RUNX1: variants seen among roughly 807,000 people sequenced by gnomAD.
RUNX1 encodes runt-related transcription factor 1.
Under a neutral mutation model 42.8 loss-of-function variants are expected in RUNX1, and 19 were observed. The ratio of observed to expected loss-of-function variants is 0.44; its 90% CI spans 0.31 to 0.65. The LOEUF is 0.65. RUNX1 is among the 30% of genes least tolerant of loss of function. The pLI is 0.07. For synonymous variants in RUNX1, 271 were observed against 289.4 expected (o/e 0.94, Z 0.64); for missense variants, 528 against 672.0 (o/e 0.79, Z 2.37).
rs139622004 is a variant in RUNX1, at chr21:34,851,308, G to A, written c.613+8166C>T. On this transcript the variant is annotated intron_variant, in intron 6 of 8. Transcript: ENST00000675419. ...TGCCCAGGGAAGGCCTGGAGGCCTC[G>A]GCCTCTAAGGGGCCAGTTTACGGGA... Among the ~76,000 whole-genome samples the A allele has an allele frequency of 4.2e-3, 636 of 152,322 alleles. 5 individuals are homozygous for A. Among genetic ancestry groups the A allele is most frequent in the Middle Eastern group, 0.01 (3 of 294 alleles).
chr21:34,962,887 ATGTATTCT>A (rs1286622521), intron 2 of RUNX1, among the ~76,000 whole-genome samples: 1 of 152,214 alleles, frequency 6.6e-6, no homozygotes, highest in Non-Finnish European at 1.5e-5. Context: ...AAATCTGAAT[ATGTATTCT>A]TGAACTTTGC....
intron 3 of RUNX1, among the ~76,000 whole-genome samples, chr21:34,890,660 G>A (rs1394871333): frequency 6.6e-6 from 1 of 152,206 alleles, no homozygotes; most frequent in African/African-American, 2.4e-5. Flanking sequence ...CTGGGGTCTC[G>A]GAAAGAAAAC....
At position 34,819,494 on chromosome 21, in the gene RUNX1, C is replaced by T. The variant is rs569053683; in HGVS notation, c.805+14916G>A. Among the ~76,000 whole-genome samples, 33 of 152,302 alleles carry T rather than the reference C, an allele frequency of 2.2e-4. 1 individual carries two copies. In the South Asian group the frequency reaches 4.8e-3, roughly 22 times the overall value. ...GAAGGGAGGGGGCCCAGAAGCCACC[C>T]GTCAATGCGGGAGCCCCCACTCTGG... On this transcript the variant is annotated intron_variant, in intron 7 of 8. Transcript: ENST00000675419.
intron 3 of RUNX1, among the ~76,000 whole-genome samples, chr21:34,891,304 A>C (rs2146447773): frequency 6.6e-6 from 1 of 152,364 alleles, no homozygotes; most frequent in African/African-American, 2.4e-5. Flanking sequence ...AGCTGATAGC[A>C]ATCACAGCTT....
chr21:34,857,600 A>G (rs2057513318), intron 6 of RUNX1, among the ~76,000 whole-genome samples: 1 of 152,188 alleles, frequency 6.6e-6, no homozygotes, highest in African/African-American at 2.4e-5. Flanking sequence ...TTCTAAATAC[A>G]GTGGTTCTAC....
chr21:34,817,768 C>T (rs2056847949), intron 7 of RUNX1, among the ~76,000 whole-genome samples: 1 of 152,124 alleles, frequency 6.6e-6, no homozygotes, highest in Non-Finnish European at 1.5e-5. Flanking sequence ...GTCGTGTGGT[C>T]CTGCAATAGA....
chr21:34,846,560 T>A (rs1159877534), intron 6 of RUNX1, among the ~76,000 whole-genome samples: 1 of 152,120 alleles, frequency 6.6e-6, no homozygotes, highest in Non-Finnish European at 1.5e-5. Flanking sequence ...AGATGAGGAA[T>A]CTGAGGGTCT....
intron 6 of RUNX1, among the ~76,000 whole-genome samples, chr21:34,851,935 G>T (rs1224183770): frequency 3.9e-5 from 6 of 152,212 alleles, no homozygotes; most frequent in Admixed American, 3.9e-4. Flanking sequence ...GGGAGGCCAA[G>T]GCGGGTGGAT....
chr21:35,016,652 T>TG (rs2059161081), intron 2 of RUNX1, among the ~76,000 whole-genome samples: 1 of 152,146 alleles, frequency 6.6e-6, no homozygotes, highest in Admixed American at 6.5e-5. Context: ...TCCTGACCCA[T>TG]GGTCCAGGGG....
intron 2 of RUNX1, among the ~76,000 whole-genome samples, chr21:34,915,342 A>G (rs756743724): frequency 6.6e-6 from 1 of 152,196 alleles, no homozygotes; most frequent in Non-Finnish European, 1.5e-5. Context: ...ATGAGGAAGA[A>G]GAGGTGTGTA....
intron 2 of RUNX1, among the ~76,000 whole-genome samples, chr21:34,993,513 A>T (rs2058962629): frequency 6.6e-6 from 1 of 150,498 alleles, no homozygotes; most frequent in Non-Finnish European, 1.5e-5. Context: ...ACACACACAC[A>T]CACACACACA....
chr21:34,943,074 A>T (rs1474674233), intron 2 of RUNX1, among the ~76,000 whole-genome samples: 2 of 152,098 alleles, frequency 1.3e-5, no homozygotes, highest in Non-Finnish European at 2.9e-5. Flanking sequence ...CAGTTGGGGG[A>T]TATGGAAAGC....
chr21:34,962,687 G>T (rs551667231), intron 2 of RUNX1, among the ~76,000 whole-genome samples: 2 of 152,162 alleles, frequency 1.3e-5, no homozygotes, highest in East Asian at 1.9e-4. Flanking sequence ...TATGCACCAC[G>T]CAAGTTTCCA....
At chr21:34,949,247 G>C (rs929018139) in intron 2 of RUNX1, among the ~76,000 whole-genome samples, 2 of 152,308 alleles carry the variant, frequency 1.3e-5, no homozygotes, top group African/African-American at 2.4e-5. Flanking sequence ...TAAACAACCA[G>C]TATCAGTAGA....
chr21:34,924,222 A>C (rs908138755), intron 2 of RUNX1, among the ~76,000 whole-genome samples: 14 of 152,044 alleles, frequency 9.2e-5, no homozygotes, highest in Admixed American at 6.5e-5. Context: ...CATTTCCTTC[A>C]ATTCATTTCA....
chr21:34,924,491 T>C (rs1416573043), intron 2 of RUNX1, among the ~76,000 whole-genome samples: 2 of 152,108 alleles, frequency 1.3e-5, no homozygotes, highest in African/African-American at 4.8e-5. Context: ...CTGTGGTGTG[T>C]TGGTGATGAG....
intron 2 of RUNX1, among the ~76,000 whole-genome samples, chr21:34,970,601 C>T (rs1048055655): frequency 5.9e-5 from 9 of 152,216 alleles, no homozygotes; most frequent in Non-Finnish European, 1.2e-4. Flanking sequence ...TTTTACCTCA[C>T]TGGGCTCCTA....
intron 2 of RUNX1, among the ~76,000 whole-genome samples, chr21:35,045,649 C>T (rs975158618): frequency 6.6e-6 from 1 of 152,110 alleles, no homozygotes; most frequent in Non-Finnish European, 1.5e-5. Context: ...CTCCAGTCTC[C>T]CTCCAGAACT....
chr21:35,008,850 T>G (rs990352674), intron 2 of RUNX1, among the ~76,000 whole-genome samples: 1 of 152,176 alleles, frequency 6.6e-6, no homozygotes, highest in Non-Finnish European at 1.5e-5. Flanking sequence ...AAAATTACAC[T>G]TCTATTAGAA....
Sources: allele counts gnomAD v4.1 joint callset (sites outside exome capture counted in the v4.1 genomes callset), GRCh38; gene constraint gnomAD v4.1.1; transcripts MANE v1.5; gene names NCBI Gene and HGNC (gene_info 2026-07-23, HGNC 2026-07-21).